Variants in ANKRD11 observed in about 807,000 individuals in gnomAD.
The protein encoded by ANKRD11 is ankyrin repeat domain 11.
Under a neutral mutation model 195.7 loss-of-function variants are expected in ANKRD11, and 17 were observed. That is an observed-to-expected ratio of 0.09 (90% confidence interval 0.06 to 0.13). ANKRD11 has a LOEUF of 0.13. Among genes scored for constraint, ANKRD11 ranks in the 10% least tolerant of loss-of-function variants. ANKRD11 has a pLI of 1.00. For missense variants in ANKRD11, 3,735 were observed against 3,566.1 expected (o/e 1.05, Z -1.21); for synonymous variants, 1,953 against 1,528.1 (o/e 1.28, Z -6.49).
At chr16:89,385,826 G>T (rs934988226) in intron 2 of ANKRD11, among the ~76,000 whole-genome samples, 1 of 152,264 alleles carries the variant, frequency 6.6e-6, no homozygotes, top group African/African-American at 2.4e-5. Context: ...CGCAGCCAGA[G>T]GCCGGGGATT....
chr16:89,278,815 A>C (rs1205612184), intron 9 of ANKRD11: 1 of 662,874 alleles, frequency 1.5e-6, no homozygotes, highest in East Asian at 3.0e-5. Context: ...GGGTGCACCC[A>C]GGGTGAGGGG....
chr16:89,444,178 A>G (rs1009988648), intron 1 of ANKRD11, among the ~76,000 whole-genome samples: 1 of 152,088 alleles, frequency 6.6e-6, no homozygotes, highest in African/African-American at 2.4e-5. Context: ...AAACAGGTAG[A>G]TACTGATATG....
chr16:89,451,181 T>A (rs893485592), intron 1 of ANKRD11, among the ~76,000 whole-genome samples: 2 of 152,242 alleles, frequency 1.3e-5, no homozygotes, highest in Non-Finnish European at 2.9e-5. Flanking sequence ...GAATTCTAAC[T>A]ACATCTCTAC....
chr16:89,323,312 C>T (rs1335587377), intron 2 of ANKRD11: 1 of 1,288,976 alleles, frequency 7.8e-7, no homozygotes, highest in Admixed American at 2.3e-5. Context: ...CCCTATGACC[C>T]ACAGCACTGT....
At chr16:89,481,471 C>G (rs1424116242) in intron 1 of ANKRD11, among the ~76,000 whole-genome samples, 1 of 152,164 alleles carries the variant, frequency 6.6e-6, no homozygotes. Context: ...GCAGGAGGCT[C>G]ACTTGAGCCC....
intron 1 of ANKRD11, among the ~76,000 whole-genome samples, chr16:89,441,769 A>AAAAAAAAAAC (rs2043505769): frequency 1.2e-5 from 1 of 82,416 alleles, no homozygotes; most frequent in Non-Finnish European, 3.0e-5. Flanking sequence ...TCCGCCTACA[A>AAAAAAAAAAC]AAAAAAAAAA....
In ANKRD11 at chr16:89,282,615, C is replaced by T. The variant is rs143428884; in HGVS notation, c.3927G>A (p.Thr1309=). The T allele has an allele frequency of 1.7e-3, 2,686 of 1,614,154 alleles. 7 individuals are homozygous for T. The highest frequency in any genetic ancestry group is 1.6e-3 in the Non-Finnish European group (1,861 of 1,180,040). ...KISEVSSDSF[T]DRGQEPGLTA... ...TCAGCCCCGGCTCCTGCCCTCGGTC[C>T]GTGAAGCTGTCAGAGGAGACCTCGC... Residue 1309 remains threonine, a synonymous_variant, in exon 9 of 13, where the codon ACG becomes ACA. Transcript: ENST00000301030.
intron 9 of ANKRD11, chr16:89,278,529 G>A (rs1176507124): frequency 2.2e-6 from 1 of 456,670 alleles, no homozygotes; most frequent in Admixed American, 2.3e-5. Flanking sequence ...TGGGCTGACA[G>A]GGTCAGGTGG....
rs1279403468 is a variant in ANKRD11 at position 89,323,356 on chromosome 16, G to C, written c.-59-6278C>G. On this transcript the variant is annotated intron_variant, in intron 2 of 12. Coordinates refer to ENST00000301030, the MANE Select transcript of ANKRD11 (RefSeq NM_013275.6). Reference sequence around the variant, plus strand: ...CAGGTATGGAAGAGAAGCACCACTGGCCTCTCACCTCTCACCATCTCAGTG... The same window carrying C: ...CAGGTATGGAAGAGAAGCACCACTGCCCTCTCACCTCTCACCATCTCAGTG... 6 of 1,287,984 alleles carry C rather than the reference G, an allele frequency of 4.7e-6. No individual in the cohort carries two copies. In the South Asian group the frequency reaches 7.4e-5, roughly 16 times the overall value. The allele number at this position is 1,287,984 out of a possible 1,614,324, so 79.8% of individuals were successfully genotyped here.
In ANKRD11 at chr16:89,415,472, G is replaced by T. The variant is rs545891925; in HGVS notation, c.-60+2812C>A. 1.2e-4 allele frequency among the ~76,000 whole-genome samples: 17 copies of T among 147,536 alleles called. No individual in the cohort carries two copies. The South Asian group carries it at 2.4e-3, about 21-fold the overall frequency. On this transcript the variant is annotated intron_variant, in intron 2 of 12. Transcript: ENST00000301030. ...GTAGAGACGGGGTTTCACCGTGTTA[G>T]CCAGGATGGTCTTGATCTCCTGACC...
chr16:89,428,490 A>C (rs2042825752), intron 1 of ANKRD11, among the ~76,000 whole-genome samples: 2 of 150,578 alleles, frequency 1.3e-5, no homozygotes, highest in South Asian at 4.2e-4. Context: ...TGCGCCCTAC[A>C]CTCCAGCCTG....
intron 2 of ANKRD11, among the ~76,000 whole-genome samples, chr16:89,354,320 TCTCA>T (rs1446951083): frequency 7.9e-5 from 12 of 152,038 alleles, no homozygotes; most frequent in Non-Finnish European, 1.8e-4. Flanking sequence ...TCCTTTTCCT[TCTCA>T]CTGTCAATCT....
intron 2 of ANKRD11, among the ~76,000 whole-genome samples, chr16:89,408,627 C>T (rs1179539212): frequency 2.0e-5 from 3 of 152,170 alleles, no homozygotes; most frequent in East Asian, 3.8e-4. Context: ...ACGTCCCAGC[C>T]GTGCCCACAG....
At chr16:89,326,429 C>T (rs1176696009) in intron 2 of ANKRD11, among the ~76,000 whole-genome samples, 1 of 152,032 alleles carries the variant, frequency 6.6e-6, no homozygotes, top group African/African-American at 2.4e-5. Flanking sequence ...ACCACCCACC[C>T]ACTGCTCAAT....
intron 2 of ANKRD11, 126 bp downstream of exon 2, chr16:89,418,155 CACA>C (rs2042376859): frequency 2.5e-6 from 1 of 401,766 alleles, no homozygotes; most frequent in Non-Finnish European, 5.2e-6. Flanking sequence ...GAACAAAATT[CACA>C]ACATTTCGAC....
Position 89,284,514 on chromosome 16 carries a change from A to C in ANKRD11, c.2028T>G (p.Asn676Lys), listed in dbSNP as rs754370770. ...QKSDKAILLE[N>K]DLSTENKLKV... Reference sequence around the variant, plus strand: ...TTAGCTTGTTTTCAGTGGAAAGATCATTCTCTAACAGTATAGCCTTATCTG... The same window carrying C: ...TTAGCTTGTTTTCAGTGGAAAGATCCTTCTCTAACAGTATAGCCTTATCTG... The change falls in exon 9 of 13, where the codon AAT (asparagine) becomes AAG (lysine). Residue 676 changes from asparagine (N) to lysine (K), a missense_variant. By Grantham distance (94) the Asn-to-Lys change is moderately conservative. Coordinates refer to ENST00000301030, the MANE Select transcript of ANKRD11 (RefSeq NM_013275.6). 8 of 1,614,118 alleles carry C rather than the reference A, an allele frequency of 5.0e-6. No homozygotes were observed. The Admixed American group carries it at 1.3e-4, about 27-fold the overall frequency.
intron 2 of ANKRD11, among the ~76,000 whole-genome samples, chr16:89,413,401 A>G (rs1231368534): frequency 6.6e-6 from 1 of 152,150 alleles, no homozygotes; most frequent in African/African-American, 2.4e-5. Context: ...TGAGGTGGGC[A>G]GATCACGAGG....
Position 89,447,776 on chromosome 16 carries a change from A to G in ANKRD11, c.-144-29408T>C, listed in dbSNP as rs188871246. On this transcript the variant is annotated intron_variant, in intron 1 of 12. Coordinates refer to ENST00000301030, the MANE Select transcript of ANKRD11 (RefSeq NM_013275.6). ...TATTACATGTACCAGCATTTATCTA[A>G]TATTTTCCTAAAATACAATAACTTT... Among the ~76,000 whole-genome samples, 125 of 147,368 alleles carry G rather than the reference A, an allele frequency of 8.5e-4. 1 individual carries two copies. The highest frequency in any genetic ancestry group is 3.6e-3 in the Middle Eastern group (1 of 278).
chr16:89,458,251 A>G (rs906219146), intron 1 of ANKRD11, among the ~76,000 whole-genome samples: 7 of 151,468 alleles, frequency 4.6e-5, no homozygotes, highest in Non-Finnish European at 8.8e-5. Flanking sequence ...TTGAGACGGA[A>G]TCTCACTGTG....
Sources: allele counts gnomAD v4.1 joint callset (sites outside exome capture counted in the v4.1 genomes callset), GRCh38; gene constraint gnomAD v4.1.1; transcripts MANE v1.5; gene names NCBI Gene and HGNC (gene_info 2026-07-23, HGNC 2026-07-21).